The following APOLD1 variants were observed in gnomAD, a reference collection of about 807,000 sequenced individuals.
APOLD1 encodes the protein apolipoprotein L domain-containing protein 1.
Under a neutral mutation model 15.3 loss-of-function variants are expected in APOLD1, and 22 were observed. That is an observed-to-expected ratio of 1.44 (90% CI 1.03 to 2.05). The LOEUF is 2.05. APOLD1 is among the 30% of genes most tolerant of loss of function. APOLD1 has a pLI of 0.00. For missense variants in APOLD1, 394 were observed against 353.5 expected (o/e 1.11, Z -0.92); for synonymous variants, 190 against 167.4 (o/e 1.13, Z -1.04).
chr12:12,781,083 C>A (rs1947076026), upstream of APOLD1, among the ~76,000 whole-genome samples: 1 of 152,088 alleles, frequency 6.6e-6, no homozygotes. Context: ...AGATATATTA[C>A]ATTGCAATTA....
chr12:12,786,441 A>C (rs992598822), intron 1 of APOLD1, among the ~76,000 whole-genome samples: 5 of 152,022 alleles, frequency 3.3e-5, no homozygotes, highest in African/African-American at 1.2e-4. Flanking sequence ...CATTCATTAG[A>C]GAGAGAGAAA....
chr12:12,742,569 A>G (rs1273483116), intron 1 of APOLD1, among the ~76,000 whole-genome samples: 1 of 152,156 alleles, frequency 6.6e-6, no homozygotes. Context: ...GTTCAAGACC[A>G]GCCTGGCCAA....
chr12:12,725,976 G>A (rs1946587489), exon 1 of APOLD1: 4 of 1,468,134 alleles, frequency 2.7e-6, no homozygotes, highest in Non-Finnish European at 3.6e-6. Context: ...CGCGGGGACA[G>A]AGATGTAACC....
intron 1 of APOLD1, among the ~76,000 whole-genome samples, chr12:12,755,084 GT>G (rs1946847136): frequency 6.6e-6 from 1 of 151,984 alleles, no homozygotes; most frequent in Admixed American, 6.6e-5. Flanking sequence ...TTAAAACAGT[GT>G]GATATAAGTG....
intron 1 of APOLD1, among the ~76,000 whole-genome samples, chr12:12,761,080 T>C (rs908021089): frequency 1.3e-5 from 2 of 152,276 alleles, no homozygotes; most frequent in African/African-American, 4.8e-5. Flanking sequence ...ATAGAAGTTA[T>C]ATATTATGTG....
chr12:12,786,836 C>T, intron 1 of APOLD1, 73 bp from the exon 2 acceptor site: 1 of 1,342,342 alleles, frequency 7.4e-7, no homozygotes, highest in Non-Finnish European at 9.5e-7. Context: ...TTCCCGCTGG[C>T]GTCCGGGCAG....
At chr12:12,784,169 C>A (rs935522264), upstream of APOLD1, among the ~76,000 whole-genome samples, 1 of 152,154 alleles carries the variant, frequency 6.6e-6, no homozygotes, top group Non-Finnish European at 1.5e-5. Flanking sequence ...CCCTGTATCC[C>A]AGCAATATTC....
At chr12:12,737,223 G>GTT (rs1555088145) in intron 1 of APOLD1, among the ~76,000 whole-genome samples, 295 of 150,364 alleles carry the variant, frequency 2.0e-3, no homozygotes, top group South Asian at 6.3e-3. Flanking sequence ...CAACCCAGAG[G>GTT]TTTTTTTTTT....
intron 1 of APOLD1, among the ~76,000 whole-genome samples, chr12:12,746,742 G>C (rs903450164): frequency 6.6e-6 from 1 of 152,138 alleles, no homozygotes; most frequent in African/African-American, 2.4e-5. Context: ...TATTGCCCAA[G>C]TAGTGAACGT....
chr12:12,743,016 TGTTGGGATTACAGGC>T (rs1393672873), intron 1 of APOLD1, among the ~76,000 whole-genome samples: 7 of 152,332 alleles, frequency 4.6e-5, no homozygotes, highest in African/African-American at 1.7e-4. Context: ...CCTCCCAAAG[TGTTGGGATTACAGGC>T]GTGAGCCACC....
At chr12:12,785,640 C>T, upstream of APOLD1, 1 of 1,614,176 alleles carries the variant, frequency 6.2e-7, no homozygotes, top group Non-Finnish European at 8.5e-7. Context: ...ATAAAGCACA[C>T]TCATCCAGAA....
At chr12:12,756,787 CT>C (rs544681270) in intron 1 of APOLD1, among the ~76,000 whole-genome samples, 142 of 152,094 alleles carry the variant, frequency 9.3e-4, no homozygotes, top group African/African-American at 3.3e-3. Context: ...TCTATAGCTG[CT>C]TTTTTTCTTT....
intron 1 of APOLD1, among the ~76,000 whole-genome samples, chr12:12,748,516 T>C (rs1946782673): frequency 6.6e-6 from 1 of 152,264 alleles, no homozygotes; most frequent in African/African-American, 2.4e-5. Context: ...TGCTTGTGGA[T>C]ATTTCTGGGA....
intron 1 of APOLD1, among the ~76,000 whole-genome samples, chr12:12,732,421 C>T (rs946359746): frequency 3.3e-5 from 5 of 152,004 alleles, no homozygotes; most frequent in African/African-American, 1.2e-4. Flanking sequence ...TATGCAAAAA[C>T]AGTTAAAATG....
chr12:12,766,663 A>G (rs1051375425), intron 1 of APOLD1, among the ~76,000 whole-genome samples: 2 of 152,170 alleles, frequency 1.3e-5, no homozygotes, highest in African/African-American at 4.8e-5. Context: ...AGCCTGGCCA[A>G]CATGGCGAAA....
chr12:12,754,327 C>A (rs945966196), intron 1 of APOLD1, among the ~76,000 whole-genome samples: 10 of 152,028 alleles, frequency 6.6e-5, no homozygotes, highest in African/African-American at 2.4e-4. Context: ...CCTCCCAAAG[C>A]ACTGGGATTA....
chr12:12,746,795 C>A (rs1449445163), intron 1 of APOLD1, among the ~76,000 whole-genome samples: 1 of 152,118 alleles, frequency 6.6e-6, no homozygotes, highest in African/African-American at 2.4e-5. Flanking sequence ...TCTTCTTCTT[C>A]CCCCTTCCCT....
At chr12:12,728,665 CAAAAAAAAAA>C (rs58877184) in intron 1 of APOLD1, among the ~76,000 whole-genome samples, 10,541 of 62,708 alleles carry the variant, frequency 0.17, 544 homozygotes, top group South Asian at 0.26. Flanking sequence ...GACCCTGTCT[CAAAAAAAAAA>C]AAAAAAAAAA....
intron 1 of APOLD1, among the ~76,000 whole-genome samples, chr12:12,728,616 C>T (rs1240242230): frequency 8.4e-5 from 11 of 130,572 alleles, no homozygotes; most frequent in African/African-American, 2.4e-4. Flanking sequence ...TGCAGTGAGC[C>T]GAGATCATGC....
Sources: gnomAD v4.1 joint callset for allele counts (sites outside exome capture counted in the v4.1 genomes callset) on GRCh38, gnomAD v4.1.1 for gene constraint, MANE v1.5 for transcripts, NCBI Gene and HGNC (gene_info 2026-07-23, HGNC 2026-07-21) for gene names.